The following CYP2J2 variants were observed in gnomAD, a reference collection of about 807,000 sequenced individuals.
CYP2J2 encodes the protein cytochrome P450 family 2 subfamily J member 2, also known as cytochrome P450 2J2.
Under a neutral mutation model 48.8 loss-of-function variants are expected in CYP2J2, and 41 were observed. That is an observed-to-expected ratio of 0.84 (90% confidence interval 0.66 to 1.09). The LOEUF (loss-of-function observed/expected upper bound fraction) is 1.09, where lower values mean the gene tolerates loss of function less well. Among genes scored for constraint, CYP2J2 ranks in the 50% least tolerant of loss-of-function variants. The probability of loss-of-function intolerance (pLI) is 0.00; values close to 1 mark genes in which losing one functional copy is unlikely to be tolerated. For missense variants in CYP2J2, 644 were observed against 617.3 expected (o/e 1.04, Z -0.46); for synonymous variants, 221 against 227.1 (o/e 0.97, Z 0.24).
chr1:59,907,965 T>A (rs1017245880), intron 5 of CYP2J2, 38 bp from the exon 6 acceptor site: 1 of 1,603,052 alleles, frequency 6.2e-7, no homozygotes, highest in Non-Finnish European at 8.5e-7. Context: ...TATTGGTTTA[T>A]TCAGAGGATT....
the CYP2J2 span, among the ~76,000 whole-genome samples, chr1:59,968,506 G>A: frequency 1.3e-5 from 2 of 151,844 alleles, no homozygotes; most frequent in South Asian, 4.2e-4. Context: ...TGGGCACACA[G>A]CCTGAACAGG....
chr1:59,903,724 A>G (rs986183433), intron 7 of CYP2J2, among the ~76,000 whole-genome samples: 1 of 152,238 alleles, frequency 6.6e-6, no homozygotes, highest in Non-Finnish European at 1.5e-5. Context: ...AATTTAACTT[A>G]GACCAATTGA....
chr1:59,908,151 C>A (rs1158366750), intron 5 of CYP2J2, among the ~76,000 whole-genome samples: 1 of 152,192 alleles, frequency 6.6e-6, no homozygotes, highest in East Asian at 1.9e-4. Context: ...AAAATCAAGA[C>A]AATTATTTTC....
the CYP2J2 span, among the ~76,000 whole-genome samples, chr1:59,942,494 T>C: frequency 2.0e-5 from 3 of 152,122 alleles, no homozygotes; most frequent in African/African-American, 7.2e-5. Context: ...AGGATAGACA[T>C]CAGGTAGGAC....
chr1:59,954,187 C>A, the CYP2J2 span, among the ~76,000 whole-genome samples: 1 of 152,146 alleles, frequency 6.6e-6, no homozygotes, highest in Non-Finnish European at 1.5e-5. Context: ...AATTACGCAG[C>A]TCATCTATGC....
chr1:59,905,405 G>C lies in CYP2J2; in HGVS notation c.1004-347C>G, dbSNP rs1159104492. Among the ~76,000 whole-genome samples the C allele has an allele frequency of 2.6e-5, 4 of 152,176 alleles. No individual in the cohort carries two copies. In the South Asian group the frequency reaches 8.3e-4, roughly 32 times the overall value. Reference sequence around the variant, plus strand: ...AGTAGAAGGAGTGAGGCAGCTCTCTGGAGTCTCTTTTATAACAGTACTACT... The same window carrying C: ...AGTAGAAGGAGTGAGGCAGCTCTCTCGAGTCTCTTTTATAACAGTACTACT... On this transcript the variant is annotated intron_variant, in intron 6 of 8. Coordinates refer to ENST00000371204, the MANE Select transcript of CYP2J2 (RefSeq NM_000775.4).
chr1:59,914,480 C>G (rs188042701), intron 2 of CYP2J2, among the ~76,000 whole-genome samples: 1 of 152,288 alleles, frequency 6.6e-6, no homozygotes, highest in Admixed American at 6.5e-5. Context: ...TTTTCCCCAA[C>G]CTCTTTGCCC....
chr1:59,930,178 C>A (rs1644596451), upstream of CYP2J2, among the ~76,000 whole-genome samples: 1 of 152,140 alleles, frequency 6.6e-6, no homozygotes, highest in South Asian at 2.1e-4. Context: ...GTTGTGTCCA[C>A]CTGTTGGTTT....
At position 59,912,423 on chromosome 1, in the gene CYP2J2, T is replaced by C. The variant is rs1644426291; in HGVS notation, c.374-112A>G. 11 of 1,147,202 alleles carry C rather than the reference T, an allele frequency of 9.6e-6. No individual in the cohort carries two copies. The South Asian group carries it at 1.7e-4, about 18-fold the overall frequency. The allele number at this position is 1,147,202 out of a possible 1,614,324, so 71.1% of individuals were successfully genotyped here. ...GGACAGGAGAAGATCATTAAGGCAC[T>C]TGAAAACTGCCCAGAGAAATAATCC... On this transcript the variant is annotated intron_variant, in intron 2 of 8. Transcript: ENST00000371204.
chr1:59,916,475 T>C (rs1457166014), intron 1 of CYP2J2, among the ~76,000 whole-genome samples: 1 of 152,242 alleles, frequency 6.6e-6, no homozygotes, highest in Non-Finnish European at 1.5e-5. Flanking sequence ...GGCTTACGCC[T>C]GTAATCCCAA....
intron 1 of CYP2J2, among the ~76,000 whole-genome samples, chr1:59,916,473 C>T (rs1037175154): frequency 6.6e-6 from 1 of 152,212 alleles, no homozygotes; most frequent in Admixed American, 6.5e-5. Flanking sequence ...GTGGCTTACG[C>T]CTGTAATCCC....
At chr1:59,966,875 T>A in the CYP2J2 span, among the ~76,000 whole-genome samples, 1 of 152,144 alleles carries the variant, frequency 6.6e-6, no homozygotes, top group Non-Finnish European at 1.5e-5. Flanking sequence ...AATTTGTTAC[T>A]TTCTGGATGG....
intron 5 of CYP2J2, among the ~76,000 whole-genome samples, chr1:59,908,428 A>G (rs944032643): frequency 1.3e-5 from 2 of 152,254 alleles, no homozygotes; most frequent in Non-Finnish European, 2.9e-5. Flanking sequence ...GAAAAGGCAA[A>G]TGGAATTTCT....
upstream of CYP2J2, among the ~76,000 whole-genome samples, chr1:59,929,590 T>C (rs1644593157): frequency 6.6e-6 from 1 of 152,138 alleles, no homozygotes; most frequent in Non-Finnish European, 1.5e-5. Context: ...TATAAAAAAG[T>C]GGAATTTTGA....
intron 4 of CYP2J2, 70 bp from the exon 5 acceptor site, chr1:59,910,030 A>G (rs1644398626): frequency 3.4e-6 from 4 of 1,188,562 alleles, no homozygotes; most frequent in African/African-American, 1.6e-5. Flanking sequence ...GACAACAGAA[A>G]CCATCTTCTC....
the CYP2J2 span, among the ~76,000 whole-genome samples, chr1:59,953,789 TAC>T: frequency 6.6e-6 from 1 of 152,006 alleles, no homozygotes; most frequent in Admixed American, 6.6e-5. Flanking sequence ...TAGTGTGGAG[TAC>T]AGTCCAAAGG....
chr1:59,953,786 G>A, the CYP2J2 span, among the ~76,000 whole-genome samples: 841 of 152,276 alleles, frequency 5.5e-3, 11 homozygotes, highest in Non-Finnish European at 5.9e-3. Flanking sequence ...GACTAGTGTG[G>A]AGTACAGTCC....
At chr1:59,931,371 G>A (rs1302864953), upstream of CYP2J2, among the ~76,000 whole-genome samples, 1 of 151,946 alleles carries the variant, frequency 6.6e-6, no homozygotes, top group Non-Finnish European at 1.5e-5. Flanking sequence ...TTTTCCTCTG[G>A]GAGCCCAACC....
chr1:59,949,119 A>G, the CYP2J2 span, among the ~76,000 whole-genome samples: 1 of 152,030 alleles, frequency 6.6e-6, no homozygotes, highest in African/African-American at 2.4e-5. Flanking sequence ...GGCTGATCCA[A>G]CTCCTCCTTC....
Sources: gnomAD v4.1 joint callset for allele counts (sites outside exome capture counted in the v4.1 genomes callset) on GRCh38, gnomAD v4.1.1 for gene constraint, MANE v1.5 for transcripts, NCBI Gene and HGNC (gene_info 2026-07-23, HGNC 2026-07-21) for gene names.